UBE3A: variants seen among roughly 807,000 people sequenced by gnomAD.
UBE3A encodes the protein ubiquitin protein ligase E3A.
Under a neutral mutation model 83.4 loss-of-function variants are expected in UBE3A, and 6 were observed. The observed-to-expected ratio is 0.07, with a 90% CI of 0.04 to 0.14. The LOEUF is 0.14. Ranked by LOEUF, UBE3A falls within the 10% of genes least tolerant of loss-of-function variation. The pLI, the probability that UBE3A is intolerant of heterozygous loss-of-function variation, is 1.00. For missense variants in UBE3A, 456 were observed against 1,036.1 expected (o/e 0.44, Z 7.69); for synonymous variants, 337 against 355.4 (o/e 0.95, Z 0.58).
chr15:25,390,189 G>T (rs1284312396), intron 4 of UBE3A, among the ~76,000 whole-genome samples: 1 of 152,196 alleles, frequency 6.6e-6, no homozygotes, highest in Non-Finnish European at 1.5e-5. Flanking sequence ...CTCACTCATT[G>T]CTGGTGAAAA....
chr15:25,372,073 T>A (rs1258627394), intron 5 of UBE3A, among the ~76,000 whole-genome samples: 1 of 152,192 alleles, frequency 6.6e-6, no homozygotes, highest in Non-Finnish European at 1.5e-5. Context: ...CTTAATAAGA[T>A]CATGAGTTTA....
chr15:25,353,771 A>T (rs938147657), intron 11 of UBE3A, among the ~76,000 whole-genome samples: 2 of 152,162 alleles, frequency 1.3e-5, no homozygotes, highest in African/African-American at 4.8e-5. Flanking sequence ...TATGTCTTTC[A>T]GAATTGGATG....
intron 4 of UBE3A, among the ~76,000 whole-genome samples, chr15:25,403,624 C>T (rs970060741): frequency 2.6e-5 from 4 of 152,128 alleles, no homozygotes; most frequent in African/African-American, 4.8e-5. Flanking sequence ...CAATTCAAAG[C>T]AGGGTCTCAA....
intron 6 of UBE3A, among the ~76,000 whole-genome samples, chr15:25,361,750 T>C (rs182796980): frequency 1.3e-4 from 20 of 152,290 alleles, no homozygotes; most frequent in Admixed American, 1.3e-3. Flanking sequence ...GTTAAAAAAA[T>C]TTAATCTTGG....
At chr15:25,365,378 C>T (rs1344281196) in intron 6 of UBE3A, among the ~76,000 whole-genome samples, 1 of 152,028 alleles carries the variant, frequency 6.6e-6, no homozygotes, top group Non-Finnish European at 1.5e-5. Flanking sequence ...TCCTTAATAC[C>T]ATGAATATTT....
chr15:25,337,033 G>A lies in UBE3A; in HGVS notation c.*2104C>T, dbSNP rs923176432. On this transcript the variant is annotated 3_prime_UTR_variant, in exon 13 of 13. Coordinates refer to ENST00000648336, the MANE Select transcript of UBE3A (RefSeq NM_130839.5). ...GCCCGGCATAATTAAGCAAGCTAGA[G>A]CAGCTATTCTGTGCAACCGACGATT... The A allele has an allele frequency of 4.6e-5, 7 of 152,114 alleles. No homozygotes were observed. Among genetic ancestry groups the A allele is most frequent in the African/African-American group, 1.4e-4 (6 of 41,408 alleles). 9.4% of individuals were successfully genotyped at this position (152,114 alleles called of 1,614,324 possible).
rs1225018770 is a variant in UBE3A, at chr15:25,356,940, T to C, written c.1754-44A>G. 3 of 1,479,408 alleles carry C rather than the reference T, an allele frequency of 2.0e-6. No individual in the cohort carries two copies. The South Asian group carries it at 3.4e-5, about 17-fold the overall frequency. The allele number at this position is 1,479,408 out of a possible 1,614,324, so 91.6% of individuals were successfully genotyped here. On this transcript the variant is annotated intron_variant, in intron 7 of 12. Transcript: ENST00000648336. ...AAAAATACATTACTTTTGTATTTTA[T>C]TAAGGACTGATGAATAATACAAATA...
intron 6 of UBE3A, among the ~76,000 whole-genome samples, chr15:25,364,639 TTGTTTG>T (rs1253651977): frequency 3.7e-5 from 5 of 133,780 alleles, no homozygotes; most frequent in Admixed American, 1.4e-4. Context: ...AGGGTTTTTT[TTGTTTG>T]TTTTTTTTTT....
chr15:25,362,970 G>C (rs919418751), intron 6 of UBE3A, among the ~76,000 whole-genome samples: 2 of 152,170 alleles, frequency 1.3e-5, no homozygotes, highest in African/African-American at 4.8e-5. Flanking sequence ...TCATAGATGA[G>C]AGCTGACTCC....
chr15:25,430,228 CAT>C (rs1211922738), intron 1 of UBE3A, among the ~76,000 whole-genome samples: 1 of 756 alleles, frequency 1.3e-3, no homozygotes, highest in African/African-American at 1.7e-3. Context: ...ATATATAATA[CAT>C]ATATATAAGA....
chr15:25,389,000 G>A (rs2083707657), intron 4 of UBE3A, among the ~76,000 whole-genome samples: 1 of 152,066 alleles, frequency 6.6e-6, no homozygotes, highest in African/African-American at 2.4e-5. Context: ...TCCATGACCC[G>A]TGAGAGACAA....
At chr15:25,412,162 C>CT (rs2090123751) in intron 1 of UBE3A, among the ~76,000 whole-genome samples, 191 bp from the exon 2 acceptor site, 1 of 152,200 alleles carries the variant, frequency 6.6e-6, no homozygotes, top group Non-Finnish European at 1.5e-5. Context: ...GCCCTGTGGC[C>CT]TGAGTGCTTT....
intron 6 of UBE3A, among the ~76,000 whole-genome samples, 183 bp from the exon 7 acceptor site, chr15:25,360,710 C>T (rs199658386): frequency 6.6e-6 from 1 of 152,210 alleles, no homozygotes; most frequent in South Asian, 2.1e-4. Flanking sequence ...TAAAGATAAT[C>T]AAAAAGACAG....
intron 4 of UBE3A, among the ~76,000 whole-genome samples, chr15:25,379,605 T>C (rs575537367): frequency 6.6e-6 from 1 of 152,286 alleles, no homozygotes; most frequent in South Asian, 2.1e-4. Context: ...TCTGCATCAC[T>C]ATCTAATTTA....
chr15:25,390,927 C>A (rs934145878), intron 4 of UBE3A, among the ~76,000 whole-genome samples: 1 of 148,564 alleles, frequency 6.7e-6, no homozygotes. Context: ...TTCTGTGAAC[C>A]TAGAACTCCT....
At chr15:25,379,160 A>G (rs540663846) in intron 4 of UBE3A, among the ~76,000 whole-genome samples, 5 of 152,166 alleles carry the variant, frequency 3.3e-5, no homozygotes, top group Non-Finnish European at 7.4e-5. Flanking sequence ...CACATTACCA[A>G]TTGTGAGAAA....
chr15:25,414,697 A>T (rs2090566059), intron 1 of UBE3A, among the ~76,000 whole-genome samples: 2 of 152,174 alleles, frequency 1.3e-5, no homozygotes, highest in African/African-American at 4.8e-5. Flanking sequence ...CCAGTATATC[A>T]AATTGTTTAC....
In UBE3A at chr15:25,338,239, C is replaced by T. The variant is rs999162892; in HGVS notation, c.*898G>A. On this transcript the variant is annotated 3_prime_UTR_variant, in exon 13 of 13. Coordinates refer to ENST00000648336, the MANE Select transcript of UBE3A (RefSeq NM_130839.5). ...CTTTTTGTTTATAATAAACAAACAA[C>T]AAACTTCCTAACTTTGTTGCAATAG... 14 of 152,032 alleles carry T rather than the reference C, an allele frequency of 9.2e-5. No individual in the cohort carries two copies. In the East Asian group the frequency reaches 2.7e-3, roughly 29 times the overall value. 9.4% of individuals were successfully genotyped at this position (152,032 alleles called of 1,614,324 possible).
chr15:25,438,085 G>C (rs1040916544), intron 1 of UBE3A: 1 of 152,282 alleles, frequency 6.6e-6, no homozygotes, highest in African/African-American at 2.4e-5. Flanking sequence ...TTCCCCAAGA[G>C]AGCCAAAAAC....
Sources: gnomAD v4.1 joint callset for allele counts (sites outside exome capture counted in the v4.1 genomes callset) on GRCh38, gnomAD v4.1.1 for gene constraint, MANE v1.5 for transcripts, NCBI Gene and HGNC (gene_info 2026-07-23, HGNC 2026-07-21) for gene names.